Variants in PDLIM5 observed in about 807,000 individuals in gnomAD.
The protein encoded by PDLIM5 is PDZ and LIM domain 5.
Under a neutral mutation model 64.2 loss-of-function variants are expected in PDLIM5, and 34 were observed. The observed-to-expected ratio is 0.53, with a 90% CI of 0.40 to 0.71. The LOEUF (loss-of-function observed/expected upper bound fraction) is 0.71, where lower values mean the gene tolerates loss of function less well. Ranked by LOEUF, PDLIM5 falls within the 30% of genes least tolerant of loss-of-function variation. The probability of loss-of-function intolerance (pLI) is 0.00; values close to 1 mark genes in which losing one functional copy is unlikely to be tolerated. For synonymous variants in PDLIM5, 253 were observed against 269.1 expected (o/e 0.94, Z 0.59); for missense variants, 683 against 733.6 (o/e 0.93, Z 0.80).
chr4:94,596,333 A>C (rs1402876179), intron 7 of PDLIM5, among the ~76,000 whole-genome samples: 1 of 152,138 alleles, frequency 6.6e-6, no homozygotes, highest in East Asian at 1.9e-4. Context: ...TCATAATCCC[A>C]GAATATTCAC....
At chr4:94,508,988 C>G (rs1424823279) in intron 2 of PDLIM5, among the ~76,000 whole-genome samples, 1 of 152,130 alleles carries the variant, frequency 6.6e-6, no homozygotes, top group Non-Finnish European at 1.5e-5. Flanking sequence ...ATACTTCTTT[C>G]CTTTTTTTGT....
chr4:94,502,643 G>A (rs1180752856), intron 2 of PDLIM5, among the ~76,000 whole-genome samples: 1 of 152,158 alleles, frequency 6.6e-6, no homozygotes, highest in Non-Finnish European at 1.5e-5. Context: ...TTGGGAAGCC[G>A]AGGTGGGTGG....
intron 2 of PDLIM5, chr4:94,456,696 A>G: frequency 7.5e-7 from 1 of 1,339,402 alleles, no homozygotes; most frequent in Non-Finnish European, 9.7e-7. Context: ...AGTGAATACC[A>G]AATATAAGTA....
chr4:94,468,510 A>T (rs1724569016), intron 2 of PDLIM5, among the ~76,000 whole-genome samples: 1 of 152,138 alleles, frequency 6.6e-6, no homozygotes, highest in African/African-American at 2.4e-5. Context: ...AAGGAAAGAA[A>T]ACTAAACCTA....
At chr4:94,500,152 G>A (rs1156529164) in intron 2 of PDLIM5, among the ~76,000 whole-genome samples, 2 of 152,190 alleles carry the variant, frequency 1.3e-5, no homozygotes, top group Admixed American at 6.5e-5. Context: ...TTAGACAGAC[G>A]CTTTTAATGT....
intron 2 of PDLIM5, among the ~76,000 whole-genome samples, chr4:94,493,353 C>A (rs1578247347): frequency 6.6e-6 from 1 of 151,764 alleles, no homozygotes; most frequent in African/African-American, 2.4e-5. Flanking sequence ...ACTCTGTCAC[C>A]TAGGCTAGAG....
At chr4:94,585,999 G>A (rs1478793557) in intron 6 of PDLIM5, among the ~76,000 whole-genome samples, 15 of 151,946 alleles carry the variant, frequency 9.9e-5, no homozygotes, top group South Asian at 2.1e-4. Flanking sequence ...GTGAAACCCC[G>A]CCTTTACTAA....
intron 7 of PDLIM5, among the ~76,000 whole-genome samples, chr4:94,595,147 T>G (rs1207383638): frequency 6.6e-6 from 1 of 152,134 alleles, no homozygotes; most frequent in Non-Finnish European, 1.5e-5. Context: ...AAGAACAGCA[T>G]GGGAAAACCA....
intron 7 of PDLIM5, chr4:94,588,067 T>C (rs1354750256): frequency 1.1e-6 from 1 of 916,236 alleles, no homozygotes; most frequent in African/African-American, 1.8e-5. Flanking sequence ...TAGAGCTAAA[T>C]TTAGTAATAA....
chr4:94,628,522 CTT>C (rs58904009), intron 8 of PDLIM5, among the ~76,000 whole-genome samples: 1 of 147,072 alleles, frequency 6.8e-6, no homozygotes, highest in East Asian at 2.0e-4. Flanking sequence ...TAAAATATCT[CTT>C]TTTTTTTTTC....
chr4:94,491,711 A>G (rs1463611112), intron 2 of PDLIM5, among the ~76,000 whole-genome samples: 2 of 152,098 alleles, frequency 1.3e-5, no homozygotes, highest in African/African-American at 2.4e-5. Flanking sequence ...TATCATTTTT[A>G]TAATATGATA....
At chr4:94,515,114 C>T (rs989323799) in intron 2 of PDLIM5, among the ~76,000 whole-genome samples, 6 of 152,072 alleles carry the variant, frequency 3.9e-5, no homozygotes, top group Non-Finnish European at 7.4e-5. Context: ...TTTGTGTTTA[C>T]GTCTGTGTAT....
At chr4:94,539,781 G>A (rs970140153) in intron 3 of PDLIM5, among the ~76,000 whole-genome samples, 1 of 152,110 alleles carries the variant, frequency 6.6e-6, no homozygotes, top group Admixed American at 6.5e-5. Context: ...TAGGCAGAGA[G>A]CACAGCTTAA....
chr4:94,597,660 A>G (rs905703531), intron 7 of PDLIM5, among the ~76,000 whole-genome samples: 1 of 151,168 alleles, frequency 6.6e-6, no homozygotes, highest in African/African-American at 2.4e-5. Flanking sequence ...CTTACCGCTC[A>G]GGGTATGTAG....
intron 2 of PDLIM5, among the ~76,000 whole-genome samples, chr4:94,477,744 G>A (rs1483484638): frequency 1.3e-5 from 2 of 152,036 alleles, no homozygotes; most frequent in Admixed American, 1.3e-4. Flanking sequence ...TACACCAACT[G>A]TGCTTGCCTG....
chr4:94,515,353 C>G (rs1043893133), intron 2 of PDLIM5, among the ~76,000 whole-genome samples: 1 of 152,042 alleles, frequency 6.6e-6, no homozygotes, highest in African/African-American at 2.4e-5. Flanking sequence ...TTTTAAAAAG[C>G]GAATCCCTGT....
rs531854237 is a variant in PDLIM5, at chr4:94,632,233, C to T, written c.1109-8043C>T. Among the ~76,000 whole-genome samples the T allele has an allele frequency of 3.9e-5, 6 of 152,344 alleles. No homozygotes were observed. In the South Asian group the frequency reaches 1.0e-3, roughly 26 times the overall value. On this transcript the variant is annotated intron_variant, in intron 8 of 12. Transcript: ENST00000317968. The stretch of plus-strand genomic sequence containing the variant: ...CTTGTCCATATTGGTAGAGCCAGTG[C>T]ATTGTTTGGTACATAGCAGTTGTTC...
chr4:94,614,871 G>A lies in PDLIM5; in HGVS notation c.921-3133G>A, dbSNP rs994071783. ...TTTTAAAACTGAATTGAGGAAGCAA[G>A]ATTTTGTCTGGGGTCAATACCCTGC... On this transcript the variant is annotated intron_variant, in intron 7 of 12. Transcript: ENST00000317968. 5.3e-5 allele frequency among the ~76,000 whole-genome samples: 8 copies of A among 152,296 alleles called. No homozygotes were observed. The East Asian group carries it at 9.7e-4, about 18-fold the overall frequency.
At position 94,511,425 on chromosome 4, in the gene PDLIM5, C is replaced by T. The variant is rs149359098; in HGVS notation, c.97-12299C>T. Reference sequence around the variant, plus strand: ...GCATAATAATCACATCGTGGAGAATCGGGTCTCCATCCCCTGAAGCATTTA... The same window carrying T: ...GCATAATAATCACATCGTGGAGAATTGGGTCTCCATCCCCTGAAGCATTTA... On this transcript the variant is annotated intron_variant, in intron 2 of 12. Coordinates refer to ENST00000317968, the MANE Select transcript of PDLIM5 (RefSeq NM_006457.5). Among the ~76,000 whole-genome samples, 368 of 152,092 alleles carry T rather than the reference C, an allele frequency of 2.4e-3. 1 individual carries two copies. In the Middle Eastern group the frequency reaches 0.041, roughly 17 times the overall value.
Sources: gnomAD v4.1 joint callset for allele counts (sites outside exome capture counted in the v4.1 genomes callset) on GRCh38, gnomAD v4.1.1 for gene constraint, MANE v1.5 for transcripts, NCBI Gene and HGNC (gene_info 2026-07-23, HGNC 2026-07-21) for gene names.